The following DIS3L2 variants were observed in gnomAD, a reference collection of about 807,000 sequenced individuals.
The protein encoded by DIS3L2 is DIS3-like exonuclease 2.
Under a neutral mutation model 97.5 loss-of-function variants are expected in DIS3L2, and 34 were observed. The ratio of observed to expected loss-of-function variants is 0.35; its 90% CI spans 0.27 to 0.46. The LOEUF (loss-of-function observed/expected upper bound fraction) is 0.46. Among genes scored for constraint, DIS3L2 ranks in the 20% least tolerant of loss-of-function variants. The probability of loss-of-function intolerance (pLI) is 1.00; values close to 1 mark genes in which losing one functional copy is unlikely to be tolerated. For synonymous variants in DIS3L2, 435 were observed against 445.2 expected (o/e 0.98, Z 0.29); for missense variants, 1,038 against 1,146.0 (o/e 0.91, Z 1.36).
At chr2:232,340,935 AAAAG>A (rs1431870903), downstream of DIS3L2, 2 of 470,708 alleles carry the variant, frequency 4.2e-6, no homozygotes, top group Non-Finnish European at 8.8e-6. Flanking sequence ...CCATAGAGGA[AAAAG>A]AAAGCTGTAG....
chr2:232,209,895 G>A (rs777614501), intron 9 of DIS3L2, among the ~76,000 whole-genome samples: 3 of 152,170 alleles, frequency 2.0e-5, no homozygotes, highest in African/African-American at 4.8e-5. Flanking sequence ...TTAACTCTAC[G>A]GCCCAAAGTT....
intron 12 of DIS3L2, chr2:232,260,687 T>G (rs991147644): frequency 5.9e-5 from 9 of 152,252 alleles, no homozygotes; most frequent in African/African-American, 2.2e-4. Context: ...GATAAAAATG[T>G]GAGTAGTTGC....
rs974743047 is a variant in DIS3L2 at position 232,075,711 on chromosome 2, A to G, written c.367-11776A>G. On this transcript the variant is annotated intron_variant, in intron 5 of 20. Coordinates refer to ENST00000325385, the MANE Select transcript of DIS3L2 (RefSeq NM_152383.5). ...AACTGCTCCTAATTTTTCTGTTTCT[A>G]TTGTCTGAGTTCAGGACCTTGCAAT... is the stretch of plus-strand genomic sequence containing the variant. 7.9e-5 allele frequency among the ~76,000 whole-genome samples: 12 copies of G among 151,920 alleles called. No individual in the cohort carries two copies. In the East Asian group the frequency reaches 1.7e-3, roughly 22 times the overall value.
chr2:232,291,594 G>A (rs1421929732), intron 13 of DIS3L2, among the ~76,000 whole-genome samples: 1 of 152,236 alleles, frequency 6.6e-6, no homozygotes, highest in African/African-American at 2.4e-5. Context: ...AAATTCACAG[G>A]CCTCCTGGAG....
chr2:232,016,810 C>T (rs1220047031), intron 3 of DIS3L2, among the ~76,000 whole-genome samples: 2 of 152,016 alleles, frequency 1.3e-5, no homozygotes, highest in African/African-American at 4.8e-5. Context: ...TCCATTTTCT[C>T]TTATTCTGAG....
Position 232,172,660 on chromosome 2 carries a change from T to A in DIS3L2, c.1124+9028T>A, listed in dbSNP as rs553836745. ...TTTGGGTATACACCTAGGAGTGAAA[T>A]TGCTAGGTCATATGGTCAGTCTACT... On this transcript the variant is annotated intron_variant, in intron 9 of 20. Transcript: ENST00000325385. 247 of 532,700 alleles carry A rather than the reference T, an allele frequency of 4.6e-4. 1 individual carries two copies. Among genetic ancestry groups the A allele is most frequent in the Non-Finnish European group, 8.5e-4 (219 of 259,090 alleles). 33.0% of individuals were successfully genotyped at this position (532,700 alleles called of 1,614,324 possible).
intron 1 of DIS3L2, among the ~76,000 whole-genome samples, chr2:232,005,463 C>T (rs919460574): frequency 1.4e-4 from 21 of 152,280 alleles, no homozygotes; most frequent in African/African-American, 5.1e-4. Context: ...TTCTTCTAGC[C>T]AGGCGCAGCC....
intron 14 of DIS3L2, among the ~76,000 whole-genome samples, chr2:232,324,396 G>A (rs551963253): frequency 2.0e-5 from 3 of 152,256 alleles, no homozygotes; most frequent in South Asian, 2.1e-4. Context: ...CCCACAGAGC[G>A]TGACAAGGGC....
At chr2:232,344,230 T>A (rs1696172033) in exon 14 of DIS3L2, 1 of 152,338 alleles carries the variant, frequency 6.6e-6, no homozygotes, top group Non-Finnish European at 1.5e-5. Context: ...TCTTCAGGGT[T>A]AAAATGTATA....
At chr2:232,336,003 T>C in intron 20 of DIS3L2, 129 bp downstream of exon 20, 3 of 1,525,748 alleles carry the variant, frequency 2.0e-6, no homozygotes, top group South Asian at 2.5e-5. Context: ...GGTGGGGTTT[T>C]AGGGCCCTCC....
chr2:232,008,987 TCTC>T (rs1694125325), intron 1 of DIS3L2, among the ~76,000 whole-genome samples: 1 of 152,328 alleles, frequency 6.6e-6, no homozygotes, highest in African/African-American at 2.4e-5. Context: ...CCAGCTTAAT[TCTC>T]CTCTTGAGCT....
chr2:232,183,950 C>T (rs1255723956), intron 9 of DIS3L2, among the ~76,000 whole-genome samples: 7 of 151,996 alleles, frequency 4.6e-5, no homozygotes, highest in Admixed American at 3.9e-4. Flanking sequence ...GTTTTCACCA[C>T]GATTACAATG....
intron 10 of DIS3L2, among the ~76,000 whole-genome samples, chr2:232,212,781 A>G (rs1245641797): frequency 1.3e-5 from 2 of 152,196 alleles, no homozygotes; most frequent in Admixed American, 6.5e-5. Context: ...ACTAGATGGT[A>G]GCAAAATCAA....
At chr2:231,976,764 C>CT (rs1559508577) in intron 1 of DIS3L2, among the ~76,000 whole-genome samples, 2 of 144,450 alleles carry the variant, frequency 1.4e-5, no homozygotes, top group African/African-American at 5.2e-5. Context: ...TAACACGAAG[C>CT]CTTTTTTTTT....
At chr2:232,242,400 C>T (rs573224120) in intron 11 of DIS3L2, among the ~76,000 whole-genome samples, 3 of 152,152 alleles carry the variant, frequency 2.0e-5, no homozygotes, top group Non-Finnish European at 4.4e-5. Flanking sequence ...CTGAAAGGGG[C>T]AGAAGAGGCC....
intron 15 of DIS3L2, 136 bp from the exon 16 acceptor site, chr2:232,330,554 C>T: frequency 1.1e-6 from 1 of 900,874 alleles, no homozygotes. Context: ...CCACCCATCC[C>T]CTCTGAGCAG....
intron 8 of DIS3L2, among the ~76,000 whole-genome samples, chr2:232,144,672 T>G (rs1276100802): frequency 6.6e-6 from 1 of 152,134 alleles, no homozygotes; most frequent in Non-Finnish European, 1.5e-5. Context: ...TTATCACTAT[T>G]TCCACTAACA....
At chr2:232,088,557 G>A (rs775957870) in intron 6 of DIS3L2, among the ~76,000 whole-genome samples, 33 of 149,592 alleles carry the variant, frequency 2.2e-4, no homozygotes, top group Admixed American at 6.6e-4. Flanking sequence ...GTGAGACTCC[G>A]TCTCAAAAAA....
At chr2:232,208,698 G>C (rs916434170) in intron 9 of DIS3L2, among the ~76,000 whole-genome samples, 26 of 152,042 alleles carry the variant, frequency 1.7e-4, no homozygotes, top group African/African-American at 5.8e-4. Flanking sequence ...CCATTTTGGG[G>C]GTATACCACA....
Sources: allele counts gnomAD v4.1 joint callset (sites outside exome capture counted in the v4.1 genomes callset), GRCh38; gene constraint gnomAD v4.1.1; transcripts MANE v1.5; gene names NCBI Gene and HGNC (gene_info 2026-07-23, HGNC 2026-07-21).